The following AGBL3 variants were observed in gnomAD, a reference collection of about 807,000 sequenced individuals.
AGBL3 encodes cytosolic carboxypeptidase 3.
A neutral mutation model predicts 94.5 loss-of-function variants in AGBL3; 68 were observed. That is an observed-to-expected ratio of 0.72 (90% CI 0.59 to 0.88). The LOEUF is 0.88. AGBL3 is among the 40% of genes least tolerant of loss of function. AGBL3 has a pLI of 0.00. For synonymous variants in AGBL3, 354 were observed against 370.7 expected (o/e 0.95, Z 0.52); for missense variants, 934 against 1,103.8 (o/e 0.85, Z 2.18).
chr7:134,999,555 T>G (rs1342290994), intron 4 of AGBL3, among the ~76,000 whole-genome samples: 1 of 152,214 alleles, frequency 6.6e-6, no homozygotes, highest in East Asian at 1.9e-4. Context: ...TTCCACTTAC[T>G]GGGTCCAGTC....
chr7:135,126,974 C>T (rs1034460689), intron 16 of AGBL3, among the ~76,000 whole-genome samples: 1 of 152,060 alleles, frequency 6.6e-6, no homozygotes, highest in Admixed American at 6.5e-5. Context: ...GACTTCATGA[C>T]AAAACACCAA....
intron 12 of AGBL3, among the ~76,000 whole-genome samples, chr7:135,061,175 G>A (rs1378103682): frequency 6.6e-6 from 1 of 151,624 alleles, no homozygotes; most frequent in East Asian, 1.9e-4. Context: ...TATACCTGTT[G>A]GCCATTTGTA....
At chr7:135,027,984 G>A (rs1231400570) in intron 5 of AGBL3, among the ~76,000 whole-genome samples, 1 of 151,652 alleles carries the variant, frequency 6.6e-6, no homozygotes, top group Non-Finnish European at 1.5e-5. Context: ...TTTTTTGGTG[G>A]TGTCCAAGTG....
At position 135,088,399 on chromosome 7, in the gene AGBL3, A is replaced by G. The variant is rs138357496; in HGVS notation, c.2110+6609A>G. On this transcript the variant is annotated intron_variant, in intron 15 of 16. Transcript: ENST00000436302. ...ATCCTTTCCTTCTCTCTTATTGTTTATCATTGTCATTTAATGGTTTTCTAT... is the reference window on the plus strand; with the variant it reads ...ATCCTTTCCTTCTCTCTTATTGTTTGTCATTGTCATTTAATGGTTTTCTAT... 8.6e-4 allele frequency among the ~76,000 whole-genome samples: 131 copies of G among 152,050 alleles called. 1 individual carries two copies. Among genetic ancestry groups the G allele is most frequent in the African/African-American group, 2.7e-3 (112 of 41,526 alleles).
At chr7:134,988,241 T>A (rs918045762) in intron 2 of AGBL3, 3 of 332,064 alleles carry the variant, frequency 9.0e-6, no homozygotes, top group Non-Finnish European at 1.7e-5. Context: ...TTCTTCTAGG[T>A]TTTATTAAAA....
chr7:135,060,994 T>C (rs749937413), intron 12 of AGBL3, among the ~76,000 whole-genome samples: 13 of 152,086 alleles, frequency 8.5e-5, no homozygotes, highest in Non-Finnish European at 1.8e-4. Context: ...ATAATGGCTG[T>C]ACTAATTTAT....
At position 135,045,521 on chromosome 7, in the gene AGBL3, G is replaced by A. The variant is rs1484217054; in HGVS notation, c.1675G>A (p.Gly559Arg). ...CAGCACGAAAGACCTGGAATCAATG[G>A]GATATCATTTTTGTGATTCTCTCTT... ...HFSTKDLESM[G>R]YHFCDSLLDY... The change falls in exon 10 of 17, where the codon GGA (glycine) becomes AGA (arginine). Residue 559 changes from glycine (G) to arginine (R), a missense_variant. By Grantham distance (125) the Gly-to-Arg change is moderately radical (BLOSUM62 -2). This residue lies in a region of AGBL3 where 441 missense variants were observed against 518.2 expected (regional missense o/e 0.85). Transcript: ENST00000436302. 2 of 1,551,030 alleles carry A rather than the reference G, an allele frequency of 1.3e-6. No individual in the cohort carries two copies. Among genetic ancestry groups the A allele is most frequent in the African/African-American group, 1.4e-5 (1 of 72,994 alleles).
chr7:135,037,971 GTATT>G (rs1816473237), intron 8 of AGBL3, among the ~76,000 whole-genome samples: 1 of 151,796 alleles, frequency 6.6e-6, no homozygotes, highest in African/African-American at 2.4e-5. Context: ...TTTCTTCAAA[GTATT>G]TATTAGAATT....
At chr7:135,031,192 A>G (rs1815702273) in intron 5 of AGBL3, among the ~76,000 whole-genome samples, 1 of 152,146 alleles carries the variant, frequency 6.6e-6, no homozygotes, top group African/African-American at 2.4e-5. Context: ...TGAATGCTTT[A>G]CGTTTTTATC....
At chr7:135,092,559 T>C (rs1822006639) in intron 15 of AGBL3, 1 of 152,140 alleles carries the variant, frequency 6.6e-6, no homozygotes, top group Non-Finnish European at 1.5e-5. Context: ...TTGGGTACAA[T>C]GGTAAATAAA....
intron 8 of AGBL3, among the ~76,000 whole-genome samples, chr7:135,038,993 A>G (rs1228538840): frequency 6.6e-6 from 1 of 152,140 alleles, no homozygotes; most frequent in East Asian, 1.9e-4. Context: ...AAAATCCACA[A>G]TTATAGTTGG....
At chr7:135,050,951 T>C in intron 11 of AGBL3, 1 of 387,802 alleles carries the variant, frequency 2.6e-6, no homozygotes, top group Non-Finnish European at 4.9e-6. Flanking sequence ...TTTTGTTGTT[T>C]TCTATTAGTC....
chr7:135,032,288 A>ATTTTTTGG (rs1333256715), intron 5 of AGBL3, among the ~76,000 whole-genome samples: 5 of 151,640 alleles, frequency 3.3e-5, no homozygotes, highest in African/African-American at 1.2e-4. Flanking sequence ...AATGGAGTGA[A>ATTTTTTGG]TTTTTTTGTT....
intron 15 of AGBL3, among the ~76,000 whole-genome samples, chr7:135,090,577 T>C (rs1414090535): frequency 6.6e-6 from 1 of 152,136 alleles, no homozygotes; most frequent in African/African-American, 2.4e-5. Flanking sequence ...CCAGGCACCA[T>C]TTCCCTGGGA....
chr7:135,091,638 C>T (rs1821867669), intron 15 of AGBL3, among the ~76,000 whole-genome samples: 3 of 152,164 alleles, frequency 2.0e-5, no homozygotes, highest in Non-Finnish European at 2.9e-5. Flanking sequence ...CTAGCTGCAG[C>T]ATAGAAACCA....
intron 9 of AGBL3, among the ~76,000 whole-genome samples, chr7:135,044,819 C>T (rs981596892): frequency 6.8e-5 from 10 of 146,188 alleles, no homozygotes; most frequent in Admixed American, 2.8e-4. Flanking sequence ...CCCACTAACT[C>T]GTCATCTAGC....
rs754184832 is a variant in AGBL3, at chr7:135,034,188, C to A, written c.597C>A (p.Leu199=). 1.9e-6 allele frequency: 3 copies of A among 1,551,536 alleles called. No homozygotes were observed. In the South Asian group the frequency reaches 3.6e-5, roughly 18 times the overall value. Residue 199 remains leucine (L), a synonymous_variant, in exon 7 of 17, where the codon CTC becomes CTA. Coordinates refer to ENST00000436302, the MANE Select transcript of AGBL3 (RefSeq NM_178563.4). ...YEYQLTVRPD[L]FTNKHTQWYY... ...ACCAATTGACTGTACGCCCTGACCT[C>A]TTCACAAATAAACACACCCAGTGGT...
intron 15 of AGBL3, among the ~76,000 whole-genome samples, chr7:135,087,035 T>C (rs1423045147): frequency 6.6e-6 from 1 of 151,992 alleles, no homozygotes; most frequent in East Asian, 1.9e-4. Context: ...TCATAATTGG[T>C]CTGTTTGGGT....
chr7:135,024,645 A>G (rs1042661613), intron 5 of AGBL3, among the ~76,000 whole-genome samples: 1 of 152,198 alleles, frequency 6.6e-6, no homozygotes, highest in Non-Finnish European at 1.5e-5. Flanking sequence ...TCTTAACCAG[A>G]TTGAAATGAC....
Sources: gnomAD v4.1 joint callset for allele counts (sites outside exome capture counted in the v4.1 genomes callset) on GRCh38, gnomAD v4.1.1 for gene constraint, gnomAD v4.1.1 regional missense constraint, MANE v1.5 for transcripts, NCBI Gene and HGNC (gene_info 2026-07-23, HGNC 2026-07-21) for gene names.